DROSHA: variants seen among roughly 807,000 people sequenced by gnomAD.
DROSHA encodes the protein ribonuclease 3.
DROSHA carries 56 observed loss-of-function variants against 181.9 expected under a neutral mutation model. The ratio of observed to expected loss-of-function variants is 0.31; its 90% CI spans 0.25 to 0.38. The LOEUF is 0.38. Among genes scored for constraint, DROSHA ranks in the 10% least tolerant of loss-of-function variants. The pLI is 1.00. For synonymous variants in DROSHA, 524 were observed against 591.2 expected, an observed-to-expected ratio of 0.89 and a Z score of 1.65; for missense variants, 1,218 against 1,743.5, an observed-to-expected ratio of 0.70 and a Z score of 5.37.
Position 31,526,252 on chromosome 5 carries a change from G to T in DROSHA, c.681C>A (p.His227Gln), listed in dbSNP as rs550825992. Residue 227 changes from histidine (H) to glutamine (Q), a missense_variant, in exon 5 of 36, where the codon CAC becomes CAA. By Grantham distance (24) the His-to-Gln change is conservative (BLOSUM62 0). This residue lies in a region of DROSHA where 536 missense variants were observed against 535.4 expected (regional missense o/e 1.00). Coordinates refer to ENST00000344624, the MANE Select transcript of DROSHA (RefSeq NM_001382508.1). ...GATCTCGGTGCCTGTGGTCATCATAGTGTTTCAGCCTTTCTGGGGACCTTC... is the reference window on the plus strand; with the variant it reads ...GATCTCGGTGCCTGTGGTCATCATATTGTTTCAGCCTTTCTGGGGACCTTC... ...SERRSPERLK[H>Q]YDDHRHRDHS... 6.2e-7 allele frequency: 1 copy of T among 1,613,878 alleles called. No individual in the cohort carries two copies. The highest frequency in any genetic ancestry group is 2.2e-5 in the East Asian group (1 of 44,870).
chr5:31,404,009 C>G (rs1182489760), intron 35 of DROSHA, among the ~76,000 whole-genome samples: 4 of 151,958 alleles, frequency 2.6e-5, no homozygotes, highest in African/African-American at 9.7e-5. Flanking sequence ...CCTCGAACCC[C>G]TGGGCTCAAG....
At chr5:31,487,408 C>A (rs190694314) in intron 13 of DROSHA, among the ~76,000 whole-genome samples, 14 of 152,296 alleles carry the variant, frequency 9.2e-5, no homozygotes, top group Admixed American at 2.6e-4. Flanking sequence ...TATCATCAGA[C>A]AATTGCCTAC....
At chr5:31,506,964 G>T (rs182635983) in intron 10 of DROSHA, among the ~76,000 whole-genome samples, 13 of 152,258 alleles carry the variant, frequency 8.5e-5, no homozygotes, top group Admixed American at 5.2e-4. Context: ...ATAGAAACAG[G>T]TATCCACGGA....
At chr5:31,483,226 A>G (rs1751244093) in intron 16 of DROSHA, among the ~76,000 whole-genome samples, 1 of 152,188 alleles carries the variant, frequency 6.6e-6, no homozygotes, top group South Asian at 2.1e-4. Context: ...TATTGCATTT[A>G]AATTTTTTTA....
intron 16 of DROSHA, among the ~76,000 whole-genome samples, chr5:31,477,627 ACAGT>A (rs1750548223): frequency 6.6e-6 from 1 of 152,216 alleles, no homozygotes; most frequent in South Asian, 2.1e-4. Context: ...AATTTTCTAG[ACAGT>A]CAATTTGCAA....
chr5:31,502,532 C>G (rs987157757), intron 11 of DROSHA, among the ~76,000 whole-genome samples: 2 of 152,188 alleles, frequency 1.3e-5, no homozygotes, highest in Non-Finnish European at 2.9e-5. Context: ...TCAATCCCAC[C>G]AGGCAATACA....
In DROSHA at chr5:31,526,232, C is replaced by T. The variant is rs747051575; in HGVS notation, c.701G>A (p.Arg234Gln). ...CTCACCTCGCCCATGACTGTGATCT[C>T]GGTGCCTGTGGTCATCATAGTGTTT... ...RLKHYDDHRH[R>Q]DHSHGRGERH... The change falls in exon 5 of 36, where the codon CGA (arginine) becomes CAA (glutamine). Residue 234 changes from arginine to glutamine, a missense_variant. By Grantham distance (43) the Arg-to-Gln change is conservative. Coordinates refer to ENST00000344624, the MANE Select transcript of DROSHA (RefSeq NM_001382508.1). 12 of 1,613,836 alleles carry T rather than the reference C, an allele frequency of 7.4e-6. No individual in the cohort carries two copies. The highest frequency in any genetic ancestry group is 1.3e-5 in the African/African-American group (1 of 74,910).
chr5:31,495,946 C>A (rs12109632), intron 11 of DROSHA, among the ~76,000 whole-genome samples: 4 of 152,090 alleles, frequency 2.6e-5, no homozygotes, highest in Non-Finnish European at 5.9e-5. Context: ...CCAAGGAGAG[C>A]GATGCCAGGT....
chr5:31,453,465 G>C (rs1747268439), intron 20 of DROSHA, among the ~76,000 whole-genome samples: 1 of 152,130 alleles, frequency 6.6e-6, no homozygotes, highest in South Asian at 2.1e-4. Flanking sequence ...GCCTCCCAAA[G>C]TGCTAAGATT....
At chr5:31,410,309 G>A (rs1741156928) in intron 31 of DROSHA, among the ~76,000 whole-genome samples, 1 of 152,164 alleles carries the variant, frequency 6.6e-6, no homozygotes, top group Admixed American at 6.5e-5. Context: ...TGCAAAAGAC[G>A]ACATTTGTCC....
chr5:31,500,838 A>G (rs1561260683), intron 11 of DROSHA, among the ~76,000 whole-genome samples: 1 of 152,236 alleles, frequency 6.6e-6, no homozygotes, highest in Non-Finnish European at 1.5e-5. Context: ...ACAAAGAGTC[A>G]TGGAAATAGT....
chr5:31,462,509 A>G (rs1273046724), intron 20 of DROSHA, among the ~76,000 whole-genome samples: 1 of 152,144 alleles, frequency 6.6e-6, no homozygotes, highest in Non-Finnish European at 1.5e-5. Context: ...TCACACAGCA[A>G]GAGACAAGAT....
At chr5:31,437,953 T>C (rs1445340063) in intron 23 of DROSHA, among the ~76,000 whole-genome samples, 2 of 152,132 alleles carry the variant, frequency 1.3e-5, no homozygotes, top group Non-Finnish European at 2.9e-5. Context: ...TACTCACCCC[T>C]CAAGGCCTAG....
chr5:31,410,913 T>G (rs778384181), intron 30 of DROSHA, 26 bp from the exon 31 acceptor site: 4 of 1,613,008 alleles, frequency 2.5e-6, no homozygotes, highest in Non-Finnish European at 3.4e-6. Context: ...GGCGGTACAT[T>G]GAGAACACAT....
intron 23 of DROSHA, among the ~76,000 whole-genome samples, chr5:31,440,651 C>T (rs889862008): frequency 4.6e-5 from 7 of 152,174 alleles, no homozygotes; most frequent in Non-Finnish European, 7.3e-5. Flanking sequence ...ACAGGTTAAG[C>T]AACCATAACC....
intron 23 of DROSHA, among the ~76,000 whole-genome samples, chr5:31,445,700 T>C (rs1746164102): frequency 6.6e-6 from 1 of 152,182 alleles, no homozygotes; most frequent in Admixed American, 6.5e-5. Flanking sequence ...TGTTAATAGC[T>C]ACAGAAAAAG....
In DROSHA at chr5:31,435,777, G is replaced by A. The variant is rs758569610; in HGVS notation, c.3030C>T (p.Ala1010=). ...ATGTCTTCTATACCTTTGCTAGCAT[G>A]GCAAGGTGCTGATTCTGAACAATGG... ...RTAIVQNQHL[A]MLAKKLELDR... The change falls in exon 25 of 36, where the codon GCC becomes GCT. Residue 1010 remains alanine (A), a synonymous_variant. Coordinates refer to ENST00000344624, the MANE Select transcript of DROSHA (RefSeq NM_001382508.1). 1 of 1,613,766 alleles carries A rather than the reference G, an allele frequency of 6.2e-7. No homozygotes were observed. The highest frequency in any genetic ancestry group is 1.1e-5 in the South Asian group (1 of 91,024).
chr5:31,437,405 C>A (rs1745002180), intron 23 of DROSHA, 107 bp from the exon 24 acceptor site: 1 of 961,852 alleles, frequency 1.0e-6, no homozygotes, highest in Non-Finnish European at 1.5e-6. Flanking sequence ...CTTTAGTAAT[C>A]AAACCACCTT....
chr5:31,521,303 G>A (rs939901559), intron 5 of DROSHA, 88 bp from the exon 6 acceptor site: 9 of 1,421,172 alleles, frequency 6.3e-6, no homozygotes, highest in Non-Finnish European at 7.9e-6. Flanking sequence ...GTAAATAAAT[G>A]GACCACATCT....
Sources: allele counts gnomAD v4.1 joint callset (sites outside exome capture counted in the v4.1 genomes callset), GRCh38; gene constraint gnomAD v4.1.1; regional missense constraint gnomAD v4.1.1; transcripts MANE v1.5; gene names NCBI Gene and HGNC (gene_info 2026-07-23, HGNC 2026-07-21).